The following SLC8A1 variants were observed in gnomAD, a reference collection of about 807,000 sequenced individuals.
The protein encoded by SLC8A1 is sodium/calcium exchanger 1.
In SLC8A1, 18 loss-of-function variants were observed where a neutral mutation model predicts 68.3. The observed-to-expected ratio is 0.26, with a 90% CI of 0.18 to 0.39. SLC8A1 has a LOEUF of 0.39. Among genes scored for constraint, SLC8A1 ranks in the 10% least tolerant of loss-of-function variants. SLC8A1 has a pLI of 1.00. For synonymous variants in SLC8A1, 475 were observed against 415.5 expected, an observed-to-expected ratio of 1.14 and a Z score of -1.74; for missense variants, 985 against 1,156.7, an observed-to-expected ratio of 0.85 and a Z score of 2.15.
At chr2:40,238,737 T>C (rs1239553284) in intron 2 of SLC8A1, among the ~76,000 whole-genome samples, 1 of 152,218 alleles carries the variant, frequency 6.6e-6, no homozygotes, top group East Asian at 1.9e-4. Flanking sequence ...TATGAGTTTC[T>C]ATTATATAAA....
chr2:40,261,463 A>AATC (rs1440405611), intron 2 of SLC8A1, among the ~76,000 whole-genome samples: 1 of 152,216 alleles, frequency 6.6e-6, no homozygotes, highest in Non-Finnish European at 1.5e-5. Flanking sequence ...TGAGGTTGAA[A>AATC]ATCTCAAACA....
intron 2 of SLC8A1, among the ~76,000 whole-genome samples, chr2:40,359,779 T>C (rs1025864883): frequency 6.6e-6 from 1 of 152,134 alleles, no homozygotes; most frequent in African/African-American, 2.4e-5. Flanking sequence ...CATGGATTCA[T>C]TGCAGTAGGG....
intron 2 of SLC8A1, among the ~76,000 whole-genome samples, chr2:40,378,403 A>G (rs1680645316): frequency 6.6e-6 from 1 of 152,120 alleles, no homozygotes; most frequent in South Asian, 2.1e-4. Context: ...ACCTTGGAGT[A>G]CAAGACCTAG....
chr2:40,489,227 T>A (rs889463270), intron 1 of SLC8A1, among the ~76,000 whole-genome samples: 1 of 152,080 alleles, frequency 6.6e-6, no homozygotes, highest in African/African-American at 2.4e-5. Context: ...ACATAATTAA[T>A]AATCAAGTCT....
chr2:40,319,245 C>G (rs1049782220), intron 2 of SLC8A1, among the ~76,000 whole-genome samples: 5 of 152,062 alleles, frequency 3.3e-5, no homozygotes, highest in African/African-American at 4.8e-5. Context: ...AACAAGTGTT[C>G]GTGAAGCTTC....
At chr2:40,183,858 T>C (rs1198636546) in intron 2 of SLC8A1, among the ~76,000 whole-genome samples, 1 of 152,136 alleles carries the variant, frequency 6.6e-6, no homozygotes, top group Non-Finnish European at 1.5e-5. Flanking sequence ...AGCATGAATA[T>C]ATTTAAAAAG....
chr2:40,495,048 T>C (rs1400137427), intron 1 of SLC8A1, among the ~76,000 whole-genome samples: 4 of 151,934 alleles, frequency 2.6e-5, no homozygotes, highest in Non-Finnish European at 5.9e-5. Context: ...ATCATACTGC[T>C]GGGAGGTGAG....
At chr2:40,466,826 T>C (rs551094553) in intron 1 of SLC8A1, among the ~76,000 whole-genome samples, 1 of 152,262 alleles carries the variant, frequency 6.6e-6, no homozygotes, top group South Asian at 2.1e-4. Context: ...TGCTGCTTAA[T>C]TTTTTCATTC....
intron 1 of SLC8A1, among the ~76,000 whole-genome samples, chr2:40,457,252 G>C (rs1703075275): frequency 6.6e-6 from 1 of 152,170 alleles, no homozygotes; most frequent in South Asian, 2.1e-4. Context: ...TCATCAAATA[G>C]GGGCTCAAGA....
chr2:40,271,948 C>T (rs1326621747), intron 2 of SLC8A1, among the ~76,000 whole-genome samples: 2 of 152,072 alleles, frequency 1.3e-5, no homozygotes, highest in African/African-American at 4.8e-5. Context: ...CTCACTGCAG[C>T]CTCGATGTCT....
At chr2:40,383,974 G>A (rs1376259084) in intron 2 of SLC8A1, among the ~76,000 whole-genome samples, 2 of 152,106 alleles carry the variant, frequency 1.3e-5, no homozygotes, top group African/African-American at 4.8e-5. Flanking sequence ...TAAATGGTAA[G>A]CACTGGCCAG....
At chr2:40,234,608 T>C (rs376035437) in intron 2 of SLC8A1, among the ~76,000 whole-genome samples, 8 of 152,182 alleles carry the variant, frequency 5.3e-5, no homozygotes, top group East Asian at 3.8e-4. Context: ...TCCTGCCTAA[T>C]TGCCCTGGCC....
intron 2 of SLC8A1, among the ~76,000 whole-genome samples, chr2:40,318,293 TCTCCTGAAAGAGGC>T (rs2074737441): frequency 6.6e-6 from 1 of 152,056 alleles, no homozygotes; most frequent in Admixed American, 6.6e-5. Flanking sequence ...AATTAGAGCC[TCTCCTGAAAGAGGC>T]TGGGCATCTG....
At chr2:40,473,371 C>G (rs1704104191) in intron 1 of SLC8A1, among the ~76,000 whole-genome samples, 1 of 152,166 alleles carries the variant, frequency 6.6e-6, no homozygotes. Context: ...ATATCCATCC[C>G]TCACTATTTA....
intron 2 of SLC8A1, among the ~76,000 whole-genome samples, chr2:40,214,274 T>C (rs1307417980): frequency 6.6e-6 from 1 of 152,180 alleles, no homozygotes; most frequent in African/African-American, 2.4e-5. Flanking sequence ...CTCTGGAGTC[T>C]GCTTTGCCCA....
At chr2:40,320,474 A>G (rs933664522) in intron 2 of SLC8A1, among the ~76,000 whole-genome samples, 4 of 152,146 alleles carry the variant, frequency 2.6e-5, no homozygotes, top group African/African-American at 9.7e-5. Flanking sequence ...GTTGTGGATA[A>G]CCCTAAACAA....
chr2:40,165,012 G>C lies in SLC8A1; in HGVS notation c.1931-28C>G, dbSNP rs1346236890. 4 of 1,612,888 alleles carry C rather than the reference G, an allele frequency of 2.5e-6. No individual in the cohort carries two copies. In the South Asian group the frequency reaches 4.4e-5, roughly 18 times the overall value. ...GTGAAACGGAAGTATCAGAGAGTGA[G>C]CACTGTGTTCTGTTTAATTTGGAAA... On this transcript the variant is annotated intron_variant, in intron 4 of 7. Transcript: ENST00000406785.
exon 2 of SLC8A1, chr2:40,430,272 G>A (rs758825513): frequency 6.2e-7 from 1 of 1,609,272 alleles, no homozygotes; most frequent in Admixed American, 1.7e-5. Context: ...ATCGCCGCAT[G>A]TTGTACATGA....
intron 2 of SLC8A1, among the ~76,000 whole-genome samples, chr2:40,372,032 G>C (rs756556037): frequency 7.2e-5 from 11 of 152,074 alleles, no homozygotes; most frequent in Non-Finnish European, 7.4e-5. Context: ...TTTTCCAAGG[G>C]ACAGCTGCAA....
Sources: gnomAD v4.1 joint callset for allele counts (sites outside exome capture counted in the v4.1 genomes callset) on GRCh38, gnomAD v4.1.1 for gene constraint, MANE v1.5 for transcripts, NCBI Gene and HGNC (gene_info 2026-07-23, HGNC 2026-07-21) for gene names.